CDH13: variants seen among roughly 807,000 people sequenced by gnomAD.
CDH13 encodes cadherin 13, also known as cadherin-13.
Under a neutral mutation model 63.8 loss-of-function variants are expected in CDH13, and 24 were observed. That is an observed-to-expected ratio of 0.38 (90% CI 0.27 to 0.53). The LOEUF (loss-of-function observed/expected upper bound fraction) is 0.53, where lower values mean the gene tolerates loss of function less well. Among genes scored for constraint, CDH13 ranks in the 20% least tolerant of loss-of-function variants. The pLI is 0.85. For synonymous variants in CDH13, 503 were observed against 355.3 expected (o/e 1.42, Z -4.67); for missense variants, 1,049 against 903.1 (o/e 1.16, Z -2.07).
rs530386056 is a variant in CDH13, at chr16:83,218,806, C to G, written c.636+1309C>G. 3.3e-5 allele frequency among the ~76,000 whole-genome samples: 5 copies of G among 152,224 alleles called. No individual in the cohort carries two copies. The East Asian group carries it at 9.7e-4, about 29-fold the overall frequency. ...GAATTCACACGTGTCATGGGAGGGA[C>G]CCAGTGGGAGGTAATTGAGTCATGG... is the stretch of plus-strand genomic sequence containing the variant. On this transcript the variant is annotated intron_variant, in intron 5 of 13. Transcript: ENST00000567109.
At chr16:83,341,844 A>G (rs1464017022) in intron 5 of CDH13, among the ~76,000 whole-genome samples, 1 of 152,144 alleles carries the variant, frequency 6.6e-6, no homozygotes, top group East Asian at 1.9e-4. Flanking sequence ...AGAGTCTGCT[A>G]TTGCTATTCC....
At chr16:82,796,389 A>G (rs2036583176) in intron 1 of CDH13, among the ~76,000 whole-genome samples, 2 of 152,174 alleles carry the variant, frequency 1.3e-5, no homozygotes. Flanking sequence ...TTCCCTAAAT[A>G]GCCCCGATTA....
At chr16:83,051,038 G>A (rs777269318) in intron 3 of CDH13, among the ~76,000 whole-genome samples, 2 of 152,022 alleles carry the variant, frequency 1.3e-5, no homozygotes, top group Non-Finnish European at 2.9e-5. Flanking sequence ...GCCAAGACAG[G>A]GCCACTTTCT....
At chr16:83,442,049 A>G (rs575996677) in intron 6 of CDH13, among the ~76,000 whole-genome samples, 2 of 152,228 alleles carry the variant, frequency 1.3e-5, no homozygotes, top group Admixed American at 6.5e-5. Context: ...TTTGTCCACA[A>G]GCAAAATAGC....
chr16:83,532,885 G>A (rs574392902), intron 7 of CDH13, among the ~76,000 whole-genome samples: 12 of 152,310 alleles, frequency 7.9e-5, no homozygotes, highest in South Asian at 6.2e-4. Context: ...GCAGTGCCAC[G>A]GGAGAGAGCC....
At chr16:82,901,041 A>G (rs2041449318) in intron 2 of CDH13, among the ~76,000 whole-genome samples, 1 of 151,472 alleles carries the variant, frequency 6.6e-6, no homozygotes, top group African/African-American at 2.4e-5. Context: ...GCCCCTCATA[A>G]GGTTGTTTCA....
chr16:83,482,143 TTG>T (rs2073783948), intron 6 of CDH13, among the ~76,000 whole-genome samples: 1 of 152,176 alleles, frequency 6.6e-6, no homozygotes, highest in African/African-American at 2.4e-5. Flanking sequence ...TTCATTCTTC[TTG>T]GAAGACAAGG....
intron 11 of CDH13, among the ~76,000 whole-genome samples, chr16:83,763,709 G>T (rs1914159696): frequency 6.6e-6 from 1 of 152,014 alleles, no homozygotes; most frequent in Non-Finnish European, 1.5e-5. Context: ...ATTAATTGAG[G>T]AGGAAAAATA....
chr16:83,505,408 C>G (rs1052396668), intron 7 of CDH13, among the ~76,000 whole-genome samples: 10 of 152,158 alleles, frequency 6.6e-5, no homozygotes. Context: ...CAGGACCCTC[C>G]CAGCCAGCCT....
At chr16:83,703,900 G>A (rs187361202) in intron 10 of CDH13, among the ~76,000 whole-genome samples, 22 of 152,260 alleles carry the variant, frequency 1.4e-4, no homozygotes, top group Non-Finnish European at 7.3e-5. Context: ...TTCAGCCACC[G>A]TAACATCCAT....
chr16:83,456,259 G>A (rs1363753679), intron 6 of CDH13, among the ~76,000 whole-genome samples: 1 of 152,214 alleles, frequency 6.6e-6, no homozygotes, highest in Non-Finnish European at 1.5e-5. Flanking sequence ...GCAGTTACAG[G>A]TGTCTCTGAA....
intron 4 of CDH13, among the ~76,000 whole-genome samples, chr16:83,138,012 G>C (rs986402832): frequency 6.6e-6 from 1 of 152,044 alleles, no homozygotes; most frequent in African/African-American, 2.4e-5. Context: ...GTCCCTCCTG[G>C]GTATCTGCGC....
At chr16:83,662,107 G>A (rs768268346) in intron 8 of CDH13, among the ~76,000 whole-genome samples, 16 of 152,134 alleles carry the variant, frequency 1.1e-4, no homozygotes, top group Non-Finnish European at 1.9e-4. Flanking sequence ...CACACTACCT[G>A]GGATGCCAAT....
chr16:82,958,729 G>T (rs1226246713), intron 2 of CDH13, among the ~76,000 whole-genome samples: 5 of 152,222 alleles, frequency 3.3e-5, no homozygotes, highest in Admixed American at 3.3e-4. Flanking sequence ...CAGGTCACAG[G>T]CTCCATTGTC....
intron 4 of CDH13, among the ~76,000 whole-genome samples, chr16:83,159,734 C>G (rs943657430): frequency 6.6e-6 from 1 of 152,150 alleles, no homozygotes; most frequent in African/African-American, 2.4e-5. Flanking sequence ...AGCCGCCTGT[C>G]AAGCATATAA....
At position 83,666,209 on chromosome 16, in the gene CDH13, T is replaced by G. The variant is rs577716797; in HGVS notation, c.1102-4581T>G. Among the ~76,000 whole-genome samples, 10 of 152,376 alleles carry G rather than the reference T, an allele frequency of 6.6e-5. No homozygotes were observed. In the East Asian group the frequency reaches 1.5e-3, roughly 23 times the overall value. On this transcript the variant is annotated intron_variant, in intron 8 of 13. Coordinates refer to ENST00000567109, the MANE Select transcript of CDH13 (RefSeq NM_001257.5). ...TTTTAAATCACAAAGTGAGCATTGC[T>G]ATAGAAATGTAAAATGGTACCATTT... is the stretch of plus-strand genomic sequence containing the variant.
chr16:83,491,977 T>G (rs183843107), intron 7 of CDH13, among the ~76,000 whole-genome samples: 1 of 152,286 alleles, frequency 6.6e-6, no homozygotes, highest in Admixed American at 6.5e-5. Context: ...TATGAGATAT[T>G]CAAGAGTCCT....
chr16:83,022,771 T>C (rs1257966062), intron 2 of CDH13, among the ~76,000 whole-genome samples: 1 of 152,190 alleles, frequency 6.6e-6, no homozygotes, highest in Non-Finnish European at 1.5e-5. Context: ...TGCAGACACA[T>C]TTGCAAAGCC....
At chr16:82,834,757 T>C (rs1285733172) in intron 1 of CDH13, among the ~76,000 whole-genome samples, 2 of 152,174 alleles carry the variant, frequency 1.3e-5, no homozygotes, top group East Asian at 1.9e-4. Context: ...TTTTGCACAA[T>C]ATTATGCTCT....
Sources: gnomAD v4.1 joint callset for allele counts (sites outside exome capture counted in the v4.1 genomes callset) on GRCh38, gnomAD v4.1.1 for gene constraint, MANE v1.5 for transcripts, NCBI Gene and HGNC (gene_info 2026-07-23, HGNC 2026-07-21) for gene names.